Variants in IL17F observed in about 807,000 individuals in gnomAD.
IL17F encodes interleukin-17F.
A neutral mutation model predicts 8.3 loss-of-function variants in IL17F; 6 were observed. The ratio of observed to expected loss-of-function variants is 0.73; its 90% CI spans 0.40 to 1.43. The LOEUF is 1.43. IL17F is among the 40% of genes most tolerant of loss of function. IL17F has a pLI of 0.02. For missense variants in IL17F, 204 were observed against 209.6 expected, an observed-to-expected ratio of 0.97 and a Z score of 0.17; for synonymous variants, 98 against 81.6, an observed-to-expected ratio of 1.20 and a Z score of -1.08.
chr6:52,239,019 G>T, intron 1 of IL17F, 69 bp from the exon 2 acceptor site: 1 of 1,367,678 alleles, frequency 7.3e-7, no homozygotes, highest in Non-Finnish European at 1.0e-6. Context: ...TGCATGGTCT[G>T]GCGGAACTCA....
At chr6:52,244,099 T>A (rs1764119601) in intron 1 of IL17F, among the ~76,000 whole-genome samples, 1 of 152,134 alleles carries the variant, frequency 6.6e-6, no homozygotes, top group Non-Finnish European at 1.5e-5. Context: ...TTCGCTATGT[T>A]GGTCAGGCTG....
chr6:52,240,408 G>A (rs944195256), intron 1 of IL17F, among the ~76,000 whole-genome samples: 1 of 140,952 alleles, frequency 7.1e-6, no homozygotes, highest in East Asian at 2.1e-4. Flanking sequence ...CTGCACTCCA[G>A]CCTGGGCGAC....
In IL17F at chr6:52,237,197, G is replaced by A. The variant is rs773196295; in HGVS notation, c.255-29C>T. The A allele has an allele frequency of 7.8e-6, 12 of 1,540,768 alleles. No individual in the cohort carries two copies. In the African/African-American group the frequency reaches 1.1e-4, roughly 14 times the overall value. On this transcript the variant is annotated intron_variant, in intron 2 of 2. Coordinates refer to ENST00000336123, the MANE Select transcript of IL17F (RefSeq NM_052872.4). ...CAGGAGGAGCAAGCCAAAGCACAATGGTGAGGCATGGGGGAGGAAGACAGC... is the reference window on the plus strand; with the variant it reads ...CAGGAGGAGCAAGCCAAAGCACAATAGTGAGGCATGGGGGAGGAAGACAGC...
intron 1 of IL17F, among the ~76,000 whole-genome samples, chr6:52,240,309 C>T (rs71570569): frequency 0.068 from 10,353 of 151,966 alleles, 440 homozygotes; most frequent in Middle Eastern, 0.12. Context: ...TGGTGGTGCA[C>T]GCCTGCAATC....
At chr6:52,237,317 ACACC>A in intron 2 of IL17F, 149 bp from the exon 3 acceptor site, 3 of 630,808 alleles carry the variant, frequency 4.8e-6, no homozygotes, top group Non-Finnish European at 8.4e-6. Context: ...CTGGAAGCAT[ACACC>A]AGCCTCTGGC....
chr6:52,244,582 T>G, upstream of IL17F: 4 of 748,612 alleles, frequency 5.3e-6, no homozygotes, highest in South Asian at 6.2e-5. Flanking sequence ...AAGTTGTGGT[T>G]GACCCGGAGT....
At chr6:52,237,838 C>A (rs965782870) in intron 2 of IL17F, among the ~76,000 whole-genome samples, 11 of 152,060 alleles carry the variant, frequency 7.2e-5, no homozygotes, top group African/African-American at 2.7e-4. Flanking sequence ...AAGGAGCAGG[C>A]CACCGAGAAC....
At chr6:52,239,128 C>A (rs976067115) in intron 1 of IL17F, 178 bp from the exon 2 acceptor site, 1 of 640,874 alleles carries the variant, frequency 1.6e-6, no homozygotes, top group Non-Finnish European at 2.8e-6. Flanking sequence ...AGGTGCCAAA[C>A]TGAGAACTAA....
intron 1 of IL17F, among the ~76,000 whole-genome samples, chr6:52,241,412 T>G (rs949063963): frequency 6.6e-6 from 1 of 152,082 alleles, no homozygotes; most frequent in African/African-American, 2.4e-5. Context: ...TGCCAACTTA[T>G]ATTAGAGGGT....
At chr6:52,237,752 C>G (rs1391904396) in intron 2 of IL17F, among the ~76,000 whole-genome samples, 1 of 152,064 alleles carries the variant, frequency 6.6e-6, no homozygotes. Flanking sequence ...GGACCCCCAC[C>G]AGGTTACTTG....
intron 1 of IL17F, among the ~76,000 whole-genome samples, chr6:52,240,998 G>A (rs12203736): frequency 0.32 from 48,861 of 151,978 alleles, 9,183 homozygotes; most frequent in Non-Finnish European, 0.43. Context: ...TCTATATTGT[G>A]CTACACAGTG....
chr6:52,241,065 C>CGTTTGTTTGTTTGTTT (rs58639265), intron 1 of IL17F, among the ~76,000 whole-genome samples: 135 of 150,006 alleles, frequency 9.0e-4, no homozygotes, highest in African/African-American at 3.1e-3. Context: ...ACTGCTATGG[C>CGTTTGTTTGTTTGTTT]GTTTGTTTGT....
chr6:52,237,536 A>G (rs932842429), intron 2 of IL17F, among the ~76,000 whole-genome samples: 3 of 151,952 alleles, frequency 2.0e-5, no homozygotes, highest in Non-Finnish European at 4.4e-5. Flanking sequence ...CTCTGCCTGG[A>G]GATTGAACGT....
At chr6:52,241,052 C>A (rs931513681) in intron 1 of IL17F, among the ~76,000 whole-genome samples, 2 of 148,576 alleles carry the variant, frequency 1.3e-5, no homozygotes, top group Admixed American at 6.7e-5. Flanking sequence ...CTTGTCTTGA[C>A]AAACTGCTAT....
At chr6:52,239,771 A>G (rs1229112746) in intron 1 of IL17F, among the ~76,000 whole-genome samples, 1 of 152,264 alleles carries the variant, frequency 6.6e-6, no homozygotes, top group African/African-American at 2.4e-5. Flanking sequence ...AAAATGATAC[A>G]GCTAAATTGA....
At chr6:52,242,389 G>C (rs1764090110) in intron 1 of IL17F, among the ~76,000 whole-genome samples, 1 of 152,196 alleles carries the variant, frequency 6.6e-6, no homozygotes, top group Non-Finnish European at 1.5e-5. Context: ...CTAGGTCCAT[G>C]AGAATTTGCC....
Position 52,244,497 on chromosome 6 carries a change from G to A in IL17F, c.-68C>T. Reference sequence around the variant, plus strand: ...AATGTATCTTCCTGTGTATGCCTGTGTTCTATCAATGAGAGTACCTGTTAG... The same window carrying A: ...AATGTATCTTCCTGTGTATGCCTGTATTCTATCAATGAGAGTACCTGTTAG... On this transcript the variant is annotated 5_prime_UTR_variant, in exon 1 of 3. Coordinates refer to ENST00000336123, the MANE Select transcript of IL17F (RefSeq NM_052872.4). The A allele has an allele frequency of 6.9e-7, 1 of 1,457,804 alleles. No homozygotes were observed. Among genetic ancestry groups the A allele is most frequent in the South Asian group, 1.1e-5 (1 of 87,910 alleles). 90.3% of individuals were successfully genotyped at this position (1,457,804 alleles called of 1,614,324 possible). A position where few individuals can be genotyped will look rare whatever the true frequency, so the allele number is the denominator to read the frequency against.
chr6:52,237,467 T>C (rs1275391493), intron 2 of IL17F, among the ~76,000 whole-genome samples: 1 of 152,222 alleles, frequency 6.6e-6, no homozygotes, highest in Admixed American at 6.5e-5. Flanking sequence ...AATGTTAGCA[T>C]TCAATTAACA....
At chr6:52,244,724 CCCA>C (rs374754147), upstream of IL17F, among the ~76,000 whole-genome samples, 66 of 152,240 alleles carry the variant, frequency 4.3e-4, 1 homozygote, top group African/African-American at 1.4e-3. Flanking sequence ...ACCCCCATTG[CCCA>C]CAAATCAGAG....
Sources: allele counts gnomAD v4.1 joint callset (sites outside exome capture counted in the v4.1 genomes callset), GRCh38; gene constraint gnomAD v4.1.1; transcripts MANE v1.5; gene names NCBI Gene and HGNC (gene_info 2026-07-23, HGNC 2026-07-21).